Variants in QSER1 observed in about 807,000 individuals in gnomAD.
QSER1 encodes the protein glutamine and serine-rich protein 1.
QSER1 carries 49 observed loss-of-function variants against 158.5 expected under a neutral mutation model. That is an observed-to-expected ratio of 0.31 (90% CI 0.25 to 0.39). The LOEUF is 0.39. Among genes scored for constraint, QSER1 ranks in the 10% least tolerant of loss-of-function variants. The pLI is 1.00. For missense variants in QSER1, 1,754 were observed against 2,010.3 expected (o/e 0.87, Z 2.44); for synonymous variants, 650 against 715.5 (o/e 0.91, Z 1.46).
chr11:32,935,028 A>G lies in QSER1; in HGVS notation c.3770A>G (p.Gln1257Arg). The G allele has an allele frequency of 1.2e-6, 2 of 1,614,124 alleles. No homozygotes were observed. Among genetic ancestry groups the G allele is most frequent in the Middle Eastern group, 1.7e-4 (1 of 6,060 alleles). The part of the protein sequence containing the change: ...SESCHDGYQH[Q>R]EKMRQKIKEV... Reference sequence around the variant, plus strand: ...AGCTGCCATGATGGTTATCAGCATCAAGAAAAAATGAGACAGAAGATCAAA... The same window carrying G: ...AGCTGCCATGATGGTTATCAGCATCGAGAAAAAATGAGACAGAAGATCAAA... Residue 1257 changes from glutamine (Q) to arginine (R), a missense_variant, in exon 4 of 13, where the codon CAA (glutamine) becomes CGA (arginine). By Grantham distance (43) the Gln-to-Arg change is conservative. This residue lies in a region of QSER1 where 1,707 missense variants were observed against 1,919.6 expected (regional missense o/e 0.89). Coordinates refer to ENST00000650167, the MANE Select transcript of QSER1 (RefSeq NM_001076786.3).
At chr11:32,910,221 A>G (rs140477348) in intron 1 of QSER1, among the ~76,000 whole-genome samples, 206 of 152,246 alleles carry the variant, frequency 1.4e-3, no homozygotes, top group Middle Eastern at 0.01. Context: ...TTCAGGAGGC[A>G]TTGCTGATTA....
At chr11:32,898,104 A>G (rs1851578349) in intron 1 of QSER1, among the ~76,000 whole-genome samples, 1 of 152,138 alleles carries the variant, frequency 6.6e-6, no homozygotes, top group South Asian at 2.1e-4. Context: ...ATTTTTAAAA[A>G]CACAGATCTA....
chr11:32,969,742 T>TG (rs1852818007), intron 10 of QSER1, among the ~76,000 whole-genome samples: 1 of 151,202 alleles, frequency 6.6e-6, no homozygotes, highest in Admixed American at 6.6e-5. Context: ...TACATTGCAG[T>TG]GGCACAACCT....
chr11:32,916,389 C>G (rs1350892641), intron 1 of QSER1, among the ~76,000 whole-genome samples: 3 of 152,138 alleles, frequency 2.0e-5, no homozygotes, highest in African/African-American at 7.2e-5. Flanking sequence ...TCCCCTCTCC[C>G]CAGACCCTAG....
chr11:32,910,998 G>A (rs574272838), intron 1 of QSER1, among the ~76,000 whole-genome samples: 7 of 152,306 alleles, frequency 4.6e-5, no homozygotes, highest in Non-Finnish European at 8.8e-5. Flanking sequence ...TAATATGTGT[G>A]TTATAGCTGT....
chr11:32,941,799 A>G (rs1343320858), intron 4 of QSER1, among the ~76,000 whole-genome samples: 1 of 152,018 alleles, frequency 6.6e-6, no homozygotes, highest in African/African-American at 2.4e-5. Context: ...TCCCTGAGCA[A>G]TCGCCACACT....
At chr11:32,904,445 C>G (rs1851665422) in intron 1 of QSER1, among the ~76,000 whole-genome samples, 1 of 152,090 alleles carries the variant, frequency 6.6e-6, no homozygotes, top group African/African-American at 2.4e-5. Flanking sequence ...CCACCTTGGC[C>G]TCTCAAAGTG....
intron 9 of QSER1, 94 bp from the exon 10 acceptor site, chr11:32,968,952 G>T: frequency 1.5e-6 from 1 of 657,422 alleles, no homozygotes; most frequent in South Asian, 2.2e-5. Context: ...TGAATTTAGT[G>T]TATTTTAATA....
At chr11:32,959,902 C>A (rs371079737) in intron 8 of QSER1, among the ~76,000 whole-genome samples, 7 of 152,070 alleles carry the variant, frequency 4.6e-5, no homozygotes, top group African/African-American at 1.7e-4. Flanking sequence ...GCTGGGACTA[C>A]AGGTGGGCAC....
intron 12 of QSER1, chr11:32,975,638 CT>C: frequency 8.2e-7 from 1 of 1,222,040 alleles, no homozygotes; most frequent in Non-Finnish European, 1.0e-6. Flanking sequence ...GCATTTTGTT[CT>C]CTCACAGTGT....
intron 4 of QSER1, among the ~76,000 whole-genome samples, chr11:32,950,748 T>C (rs1332208888): frequency 6.6e-6 from 1 of 152,196 alleles, no homozygotes; most frequent in Non-Finnish European, 1.5e-5. Context: ...ATTTGGGATG[T>C]TTCATGTAAA....
chr11:32,920,620 C>T (rs1441087160), intron 1 of QSER1, among the ~76,000 whole-genome samples: 2 of 152,046 alleles, frequency 1.3e-5, no homozygotes, highest in African/African-American at 4.8e-5. Context: ...TCAGATTTAT[C>T]GGGGATTTGT....
intron 10 of QSER1, among the ~76,000 whole-genome samples, chr11:32,972,453 A>G (rs1852883059): frequency 6.7e-6 from 1 of 150,074 alleles, no homozygotes; most frequent in Non-Finnish European, 1.5e-5. Flanking sequence ...TTATTTATTT[A>G]GAGATAGAGT....
chr11:32,918,618 G>A (rs1422612832), intron 1 of QSER1, among the ~76,000 whole-genome samples: 1 of 151,450 alleles, frequency 6.6e-6, no homozygotes, highest in Admixed American at 6.6e-5. Flanking sequence ...GTGGGAAGCC[G>A]TTGGAAAGTT....
chr11:32,971,420 C>T (rs1852854330), intron 10 of QSER1, among the ~76,000 whole-genome samples: 1 of 152,090 alleles, frequency 6.6e-6, no homozygotes, highest in South Asian at 2.1e-4. Flanking sequence ...AATCTGTGTA[C>T]TTCAGATCAT....
At position 32,976,710 on chromosome 11, in the gene QSER1, T is replaced by G. The variant is rs1216853157; in HGVS notation, c.*236T>G. ...ACCCTAATGAATGATTTTTCTATTT[T>G]GTAAACCATTGGGTAACTTGAGTCA... On this transcript the variant is annotated 3_prime_UTR_variant, in exon 13 of 13. Coordinates refer to ENST00000650167, the MANE Select transcript of QSER1 (RefSeq NM_001076786.3). The G allele has an allele frequency of 2.4e-6, 1 of 412,586 alleles. No individual in the cohort carries two copies. The highest frequency in any genetic ancestry group is 4.8e-5 in the East Asian group (1 of 20,804). The allele number at this position is 412,586 out of a possible 1,614,324, so 25.6% of individuals were successfully genotyped here.
At chr11:32,930,372 A>G (rs903362423) in intron 3 of QSER1, among the ~76,000 whole-genome samples, 1 of 152,178 alleles carries the variant, frequency 6.6e-6, no homozygotes, top group African/African-American at 2.4e-5. Context: ...TATTCTTTCA[A>G]GTGCCACTAG....
At chr11:32,957,105 T>A (rs567955759) in intron 7 of QSER1, among the ~76,000 whole-genome samples, 1 of 151,114 alleles carries the variant, frequency 6.6e-6, no homozygotes, top group Non-Finnish European at 1.5e-5. Flanking sequence ...ACAGATGCAT[T>A]TGGGTTTTTC....
Position 32,976,656 on chromosome 11 carries a change from G to A in QSER1, c.*182G>A. Reference sequence around the variant, plus strand: ...CTTTAGGAACGAAGTTAGTCCTCTGGAAATGGACCTAAATCCCACCACATT... The same window carrying A: ...CTTTAGGAACGAAGTTAGTCCTCTGAAAATGGACCTAAATCCCACCACATT... On this transcript the variant is annotated 3_prime_UTR_variant, in exon 13 of 13. Transcript: ENST00000650167. 1.7e-6 allele frequency: 1 copy of A among 591,138 alleles called. No individual in the cohort carries two copies. Among genetic ancestry groups the A allele is most frequent in the Non-Finnish European group, 2.9e-6 (1 of 341,334 alleles). 36.6% of individuals were successfully genotyped at this position (591,138 alleles called of 1,614,324 possible).
Sources: gnomAD v4.1 joint callset for allele counts (sites outside exome capture counted in the v4.1 genomes callset) on GRCh38, gnomAD v4.1.1 for gene constraint, gnomAD v4.1.1 regional missense constraint, MANE v1.5 for transcripts, NCBI Gene and HGNC (gene_info 2026-07-23, HGNC 2026-07-21) for gene names.